Variants in RBFOX1 observed in about 807,000 individuals in gnomAD.
The protein encoded by RBFOX1 is RNA binding fox-1 homolog 1, also known as RNA binding protein fox-1 homolog 1.
A neutral mutation model predicts 57.7 loss-of-function variants in RBFOX1; 8 were observed. The ratio of observed to expected loss-of-function variants is 0.14; its 90% confidence interval spans 0.08 to 0.25. RBFOX1 has a LOEUF of 0.25. Among genes scored for constraint, RBFOX1 ranks in the 10% least tolerant of loss-of-function variants. RBFOX1 has a pLI of 1.00. For synonymous variants in RBFOX1, 326 were observed against 222.4 expected (o/e 1.47, Z -4.15); for missense variants, 611 against 548.5 (o/e 1.11, Z -1.14).
intron 4 of RBFOX1, among the ~76,000 whole-genome samples, chr16:7,266,269 C>G (rs1328955475): frequency 6.6e-6 from 1 of 151,974 alleles, no homozygotes; most frequent in Non-Finnish European, 1.5e-5. Context: ...GCCACCGTGC[C>G]CGGCCGGTAG....
chr16:5,939,076 A>G (rs1223383214), intron 4 of RBFOX1, among the ~76,000 whole-genome samples: 1 of 151,578 alleles, frequency 6.6e-6, no homozygotes, highest in Non-Finnish European at 1.5e-5. Context: ...GGAACATCAC[A>G]CACCACTGCG....
intron 4 of RBFOX1, among the ~76,000 whole-genome samples, chr16:7,065,657 A>G (rs1275139003): frequency 6.6e-6 from 1 of 152,190 alleles, no homozygotes; most frequent in Non-Finnish European, 1.5e-5. Context: ...TTTTTAGGGT[A>G]AGAATACTTA....
chr16:5,455,385 C>G (rs1326384462), intron 1 of RBFOX1, among the ~76,000 whole-genome samples: 2 of 152,070 alleles, frequency 1.3e-5, no homozygotes, highest in East Asian at 1.9e-4. Flanking sequence ...ATCACTTATG[C>G]CATACTCTGC....
At chr16:6,621,543 G>C (rs553829160) in intron 2 of RBFOX1, among the ~76,000 whole-genome samples, 1 of 152,290 alleles carries the variant, frequency 6.6e-6, no homozygotes, top group East Asian at 1.9e-4. Context: ...AATCTCAAGA[G>C]GCTTAATTAC....
chr16:7,007,604 G>C (rs1038454158), intron 3 of RBFOX1, among the ~76,000 whole-genome samples: 3 of 152,108 alleles, frequency 2.0e-5, no homozygotes, highest in Non-Finnish European at 4.4e-5. Flanking sequence ...AGCCATCTTT[G>C]ACTGTTTTAG....
At chr16:5,810,853 G>C (rs1279602341) in intron 3 of RBFOX1, among the ~76,000 whole-genome samples, 1 of 151,840 alleles carries the variant, frequency 6.6e-6, no homozygotes, top group East Asian at 1.9e-4. Flanking sequence ...ATGTTCTCTT[G>C]TTTAGAAAAA....
intron 1 of RBFOX1, among the ~76,000 whole-genome samples, chr16:6,203,822 C>T (rs1053939970): frequency 6.6e-6 from 1 of 152,118 alleles, no homozygotes; most frequent in African/African-American, 2.4e-5. Flanking sequence ...AATAGAAATA[C>T]ATCTGATGCA....
intron 4 of RBFOX1, among the ~76,000 whole-genome samples, chr16:7,088,704 C>G (rs1165456527): frequency 6.6e-6 from 1 of 152,060 alleles, no homozygotes; most frequent in East Asian, 1.9e-4. Context: ...AATATATATC[C>G]TAGTGTAGTT....
chr16:5,744,947 A>AT (rs566688896), intron 3 of RBFOX1, among the ~76,000 whole-genome samples: 1,595 of 151,322 alleles, frequency 0.011, 13 homozygotes, highest in Non-Finnish European at 0.017. Context: ...TAATTTTTGT[A>AT]TTTTTTTTTA....
At chr16:5,943,949 ATC>A (rs2059335019) in intron 4 of RBFOX1, among the ~76,000 whole-genome samples, 2 of 149,732 alleles carry the variant, frequency 1.3e-5, no homozygotes, top group African/African-American at 5.0e-5. Context: ...TTTTCCATCC[ATC>A]CATCCATCCA....
rs1346812056 is a variant in RBFOX1 at position 7,229,485 on chromosome 16, T to A, written c.27+177387T>A. 2.0e-5 allele frequency among the ~76,000 whole-genome samples: 3 copies of A among 149,534 alleles called. No individual in the cohort carries two copies. The Admixed American group carries it at 2.0e-4, about 10-fold the overall frequency. On this transcript the variant is annotated intron_variant, in intron 4 of 15. Coordinates refer to ENST00000550418, the MANE Select transcript of RBFOX1 (RefSeq NM_018723.4). The stretch of plus-strand genomic sequence containing the variant: ...AGTCATTATATGAGAATATGAGTGT[T>A]ATGGGAAGGCAGGAAGGAAGGAAGG...
intron 1 of RBFOX1, among the ~76,000 whole-genome samples, chr16:6,077,937 G>C (rs2095934297): frequency 6.6e-6 from 1 of 152,120 alleles, no homozygotes; most frequent in African/African-American, 2.4e-5. Flanking sequence ...GCCACCATGA[G>C]CTGTTGCCCC....
At chr16:5,605,787 A>G (rs2151224452) in intron 3 of RBFOX1, among the ~76,000 whole-genome samples, 1 of 152,132 alleles carries the variant, frequency 6.6e-6, no homozygotes, top group African/African-American at 2.4e-5. Context: ...ACCATTGATT[A>G]GTAATGTCTT....
At chr16:6,394,869 C>G (rs1038759614) in intron 2 of RBFOX1, among the ~76,000 whole-genome samples, 1 of 152,150 alleles carries the variant, frequency 6.6e-6, no homozygotes, top group Non-Finnish European at 1.5e-5. Context: ...AAAAATCTCA[C>G]AGCTGTGTAT....
intron 2 of RBFOX1, among the ~76,000 whole-genome samples, chr16:6,452,362 C>T (rs1305182341): frequency 6.6e-6 from 1 of 151,904 alleles, no homozygotes; most frequent in South Asian, 2.1e-4. Flanking sequence ...CTCCTTCCTT[C>T]CCTGGCTCTC....
intron 3 of RBFOX1, among the ~76,000 whole-genome samples, chr16:5,808,676 A>G (rs575907060): frequency 2.4e-4 from 36 of 152,156 alleles, no homozygotes; most frequent in Admixed American, 3.9e-4. Context: ...ATTCTCTTTG[A>G]AGCAATTGTG....
intron 4 of RBFOX1, among the ~76,000 whole-genome samples, chr16:7,341,961 C>G (rs1293184359): frequency 1.3e-5 from 2 of 152,058 alleles, no homozygotes; most frequent in South Asian, 2.1e-4. Flanking sequence ...GCCATTCCTT[C>G]TCTTCTGCTC....
chr16:5,487,846 G>T (rs546447023), intron 2 of RBFOX1, among the ~76,000 whole-genome samples: 27 of 152,148 alleles, frequency 1.8e-4, no homozygotes, highest in Admixed American at 7.8e-4. Context: ...TGGTGGTCGT[G>T]GGCATGATGA....
chr16:6,944,668 C>T (rs1253510839), intron 3 of RBFOX1, among the ~76,000 whole-genome samples: 1 of 152,104 alleles, frequency 6.6e-6, no homozygotes, highest in African/African-American at 2.4e-5. Context: ...CTAGAAAGTG[C>T]AGGAACCTGG....
Sources: allele counts gnomAD v4.1 joint callset (sites outside exome capture counted in the v4.1 genomes callset), GRCh38; gene constraint gnomAD v4.1.1; transcripts MANE v1.5; gene names NCBI Gene and HGNC (gene_info 2026-07-23, HGNC 2026-07-21).